The following SLC4A5 variants were observed in gnomAD, a reference collection of about 807,000 sequenced individuals.
SLC4A5 encodes solute carrier family 4 member 5.
Under a neutral mutation model 120.4 loss-of-function variants are expected in SLC4A5, and 96 were observed. The observed-to-expected ratio is 0.80, with a 90% CI of 0.68 to 0.94. The LOEUF is 0.94. SLC4A5 is among the 40% of genes least tolerant of loss of function. The pLI is 0.00. For missense variants in SLC4A5, 1,259 were observed against 1,459.5 expected (o/e 0.86, Z 2.24); for synonymous variants, 550 against 571.1 (o/e 0.96, Z 0.53).
chr2:74,254,564 T>C, intron 14 of SLC4A5, 55 bp downstream of exon 14: 1 of 1,376,748 alleles, frequency 7.3e-7, no homozygotes. Context: ...GAAGGTGCAG[T>C]GCTTGGTGCA....
At chr2:74,277,488 G>A (rs985736780) in intron 8 of SLC4A5, among the ~76,000 whole-genome samples, 1 of 152,182 alleles carries the variant, frequency 6.6e-6, no homozygotes. Context: ...GGCGTAGGTT[G>A]CAGTGAGCTG....
exon 31 of SLC4A5, chr2:74,218,405 T>G (rs1694510138): frequency 6.6e-6 from 1 of 152,240 alleles, no homozygotes; most frequent in Non-Finnish European, 1.5e-5. Flanking sequence ...TGAACTGCAT[T>G]TTAAAATAAA....
rs767217259 is a variant in SLC4A5, at chr2:74,233,556, C to T, written c.2441G>A (p.Arg814Gln). 2.6e-4 allele frequency: 416 copies of T among 1,612,122 alleles called. 1 individual carries two copies. Among genetic ancestry groups the T allele is most frequent in the Admixed American group, 5.0e-4 (30 of 59,896 alleles). ...GGCCACGAACCAGCCTCGGTCAGGC[C>T]GCGTTGGCTGAGTGGGAGCAAACAG... The change falls in exon 23 of 31, where the codon CGG becomes CAG. Residue 814 changes from arginine (R) to glutamine (Q), a missense_variant. Physicochemically the swap from Arg to Gln is conservative, Grantham distance 43. Coordinates refer to ENST00000394019, the Ensembl canonical transcript of SLC4A5.
chr2:74,308,831 C>G (rs898742794), intron 6 of SLC4A5, among the ~76,000 whole-genome samples: 2 of 151,372 alleles, frequency 1.3e-5, no homozygotes, highest in Non-Finnish European at 2.9e-5. Context: ...ATGTTATCTT[C>G]TAGAAGTTTT....
chr2:74,264,785 C>A (rs1226648060), intron 9 of SLC4A5, among the ~76,000 whole-genome samples: 2 of 152,118 alleles, frequency 1.3e-5, no homozygotes, highest in African/African-American at 4.8e-5. Flanking sequence ...TGAATGATGA[C>A]CCATTTTACC....
chr2:74,228,824 T>C (rs1213589935), intron 25 of SLC4A5, among the ~76,000 whole-genome samples: 1 of 152,102 alleles, frequency 6.6e-6, no homozygotes, highest in Non-Finnish European at 1.5e-5. Flanking sequence ...AGGCAATTTG[T>C]TTGCTTTTTC....
At chr2:74,222,767 C>G in intron 29 of SLC4A5, 101 bp downstream of exon 29, 2 of 1,097,660 alleles carry the variant, frequency 1.8e-6, no homozygotes, top group Non-Finnish European at 2.8e-6. Flanking sequence ...GCTCTAGCAT[C>G]CAAAATGATT....
chr2:74,222,232 G>T (rs1694676203), intron 29 of SLC4A5, among the ~76,000 whole-genome samples: 2 of 152,174 alleles, frequency 1.3e-5, no homozygotes, highest in Admixed American at 1.3e-4. Context: ...GGCCATGTTT[G>T]GACTGATGTG....
chr2:74,281,846 C>G (rs574446494), intron 8 of SLC4A5, among the ~76,000 whole-genome samples: 7 of 152,322 alleles, frequency 4.6e-5, no homozygotes, highest in African/African-American at 1.7e-4. Context: ...TTTATTAAAG[C>G]GTCCCCTCCC....
At chr2:74,260,503 C>A (rs1421046071) in intron 11 of SLC4A5, among the ~76,000 whole-genome samples, 1 of 152,190 alleles carries the variant, frequency 6.6e-6, no homozygotes, top group Non-Finnish European at 1.5e-5. Context: ...GCTGCAGACT[C>A]CTTGGAGCAG....
At position 74,257,225 on chromosome 2, in the gene SLC4A5, T is replaced by C. The variant is rs931199566; in HGVS notation, c.868-1293A>G. ...CTCGTGAGCAATGGCACTACCCTTA[T>C]AATCGTTTAAATCCAATCAGACAAA... is the stretch of plus-strand genomic sequence containing the variant. On this transcript the variant is annotated intron_variant, in intron 12 of 30. Transcript: ENST00000394019. Among the ~76,000 whole-genome samples, 14 of 151,118 alleles carry C rather than the reference T, an allele frequency of 9.3e-5. No homozygotes were observed. The South Asian group carries it at 1.0e-3, about 11-fold the overall frequency.
intron 7 of SLC4A5, among the ~76,000 whole-genome samples, 171 bp downstream of exon 7, chr2:74,304,318 G>T (rs1055217657): frequency 6.6e-6 from 1 of 152,200 alleles, no homozygotes; most frequent in Non-Finnish European, 1.5e-5. Context: ...AAGTGTCAGT[G>T]AGCAGGAAGG....
intron 2 of SLC4A5, among the ~76,000 whole-genome samples, chr2:74,340,730 C>T (rs1198160077): frequency 6.6e-6 from 1 of 152,134 alleles, no homozygotes; most frequent in Non-Finnish European, 1.5e-5. Flanking sequence ...CTCTTCTCTT[C>T]CAGGCAACAA....
At chr2:74,234,805 G>A (rs1448938734) in intron 22 of SLC4A5, among the ~76,000 whole-genome samples, 1 of 152,192 alleles carries the variant, frequency 6.6e-6, no homozygotes, top group Non-Finnish European at 1.5e-5. Context: ...AGAGGTCAGG[G>A]AACTGGAGAC....
rs770082915 is a variant in SLC4A5 at position 74,221,627 on chromosome 2, C to T, written c.3332-126G>A. On this transcript the variant is annotated intron_variant, in intron 29 of 30. Transcript: ENST00000394019. ...GAGCCAACACTATGCAAGAGGAATA[C>T]GGGGCCTCAGAGATGTGTGGCTTCG... The T allele has an allele frequency of 8.0e-5, 74 of 926,880 alleles. 1 individual carries two copies. In the Middle Eastern group the frequency reaches 1.5e-3, roughly 19 times the overall value. The allele number at this position is 926,880 out of a possible 1,614,324, so 57.4% of individuals were successfully genotyped here.
chr2:74,318,165 CAA>C, intron 5 of SLC4A5, among the ~76,000 whole-genome samples: 1 of 151,974 alleles, frequency 6.6e-6, no homozygotes, highest in East Asian at 1.9e-4. Context: ...GCGCATGTGA[CAA>C]AGAGCTAATA....
At chr2:74,302,874 G>T (rs1672514519) in intron 7 of SLC4A5, among the ~76,000 whole-genome samples, 1 of 152,186 alleles carries the variant, frequency 6.6e-6, no homozygotes, top group South Asian at 2.1e-4. Flanking sequence ...CCTGAATGTA[G>T]GAGAGGTGGT....
chr2:74,285,677 T>C (rs1054954174), intron 8 of SLC4A5, 96 bp downstream of exon 8: 2 of 1,474,560 alleles, frequency 1.4e-6, no homozygotes, highest in Non-Finnish European at 1.8e-6. Flanking sequence ...CAGGAAGCTC[T>C]CAAGGTACAA....
At chr2:74,300,077 T>C (rs1380884145) in intron 7 of SLC4A5, among the ~76,000 whole-genome samples, 1 of 152,236 alleles carries the variant, frequency 6.6e-6, no homozygotes, top group East Asian at 1.9e-4. Flanking sequence ...TGTTTCAACA[T>C]GGAAGAACCG....
Sources: gnomAD v4.1 joint callset for allele counts (sites outside exome capture counted in the v4.1 genomes callset) on GRCh38, gnomAD v4.1.1 for gene constraint, MANE v1.5 for transcripts, NCBI Gene and HGNC (gene_info 2026-07-23, HGNC 2026-07-21) for gene names.